Variants in STK31 observed in about 807,000 individuals in gnomAD.
STK31 encodes serine/threonine kinase 31.
STK31 carries 89 observed loss-of-function variants against 129.7 expected under a neutral mutation model. That is an observed-to-expected ratio of 0.69 (90% CI 0.58 to 0.82). The LOEUF (loss-of-function observed/expected upper bound fraction) is 0.82, where lower values mean the gene tolerates loss of function less well. Ranked by LOEUF, STK31 falls within the 40% of genes least tolerant of loss-of-function variation. The probability of loss-of-function intolerance (pLI) is 0.00; values close to 1 mark genes in which losing one functional copy is unlikely to be tolerated. For synonymous variants in STK31, 448 were observed against 395.3 expected, an observed-to-expected ratio of 1.13 and a Z score of -1.58; for missense variants, 1,187 against 1,176.4, an observed-to-expected ratio of 1.01 and a Z score of -0.13.
intron 20 of STK31, 143 bp from the exon 21 acceptor site, chr7:23,787,837 C>A (rs1033960106): frequency 2.9e-6 from 2 of 698,498 alleles, no homozygotes; most frequent in African/African-American, 3.7e-5. Flanking sequence ...TTCATCTGGT[C>A]TTTCTCTATG....
chr7:23,729,472 T>G lies in STK31; in HGVS notation c.483+223T>G, dbSNP rs186454614. Among the ~76,000 whole-genome samples the G allele has an allele frequency of 3.2e-3, 483 of 152,042 alleles. 3 individuals carry two copies. The highest frequency in any genetic ancestry group is 0.01 in the Middle Eastern group (3 of 292). On this transcript the variant is annotated intron_variant, in intron 6 of 23. Transcript: ENST00000355870. The stretch of plus-strand genomic sequence containing the variant: ...ACATATATAATATATGTAAATAGTT[T>G]CCTTCTGATGTAAATGTTTAAAAGG...
At chr7:23,729,511 GTT>G (rs72476098) in intron 6 of STK31, among the ~76,000 whole-genome samples, 8 of 121,726 alleles carry the variant, frequency 6.6e-5, no homozygotes, top group Non-Finnish European at 1.0e-4. Flanking sequence ...GTCTCTTTTT[GTT>G]TTTTTTTTTT....
In STK31 at chr7:23,789,667, C is replaced by T. The variant is rs80160359; in HGVS notation, c.2638-1157C>T. On this transcript the variant is annotated intron_variant, in intron 21 of 23. Coordinates refer to ENST00000355870, the MANE Select transcript of STK31 (RefSeq NM_031414.5). ...TATTTACTTTATTACATTAGTTTAACAAAATTAAGATATCCTAAGAAATAT... is the reference window on the plus strand; with the variant it reads ...TATTTACTTTATTACATTAGTTTAATAAAATTAAGATATCCTAAGAAATAT... Among the ~76,000 whole-genome samples, 1,047 of 152,150 alleles carry T rather than the reference C, an allele frequency of 6.9e-3. 74 individuals are homozygous for T. In the East Asian group the frequency reaches 0.18, roughly 26 times the overall value.
intron 23 of STK31, among the ~76,000 whole-genome samples, chr7:23,824,992 C>T (rs1175125510): frequency 3.9e-5 from 6 of 152,146 alleles, no homozygotes; most frequent in South Asian, 4.2e-4. Flanking sequence ...TTGCTGGATT[C>T]GGTTTGCCAG....
intron 23 of STK31, among the ~76,000 whole-genome samples, chr7:23,828,241 C>T (rs1415868270): frequency 6.6e-6 from 1 of 152,232 alleles, no homozygotes; most frequent in Non-Finnish European, 1.5e-5. Flanking sequence ...GTGGGCTCCA[C>T]CCAGTTTGAG....
chr7:23,827,424 T>C (rs997937953), intron 23 of STK31, among the ~76,000 whole-genome samples: 1 of 152,218 alleles, frequency 6.6e-6, no homozygotes, highest in Non-Finnish European at 1.5e-5. Context: ...CATGTATTTC[T>C]CGTGCCATGG....
At chr7:23,805,378 A>G (rs968006964) in intron 22 of STK31, among the ~76,000 whole-genome samples, 2 of 151,926 alleles carry the variant, frequency 1.3e-5, no homozygotes, top group Admixed American at 1.3e-4. Context: ...GCCCAGCCCC[A>G]TTTCTCCTTT....
At position 23,822,978 on chromosome 7, in the gene STK31, T is replaced by G. The variant is rs533469122; in HGVS notation, c.2829+7766T>G. On this transcript the variant is annotated intron_variant, in intron 23 of 23. Coordinates refer to ENST00000355870, the MANE Select transcript of STK31 (RefSeq NM_031414.5). ...TCCATGGTGTATATGTGCCACATTT[T>G]CTTAATCCAGCCTATCATTGTTGGA... Among the ~76,000 whole-genome samples the G allele has an allele frequency of 2.0e-5, 3 of 152,354 alleles. No individual in the cohort carries two copies. The South Asian group carries it at 6.2e-4, about 32-fold the overall frequency.
At chr7:23,794,511 G>A (rs1791832516) in intron 22 of STK31, among the ~76,000 whole-genome samples, 1 of 152,190 alleles carries the variant, frequency 6.6e-6, no homozygotes, top group Non-Finnish European at 1.5e-5. Flanking sequence ...AGAGTGGAAT[G>A]CTGCTGTAAA....
upstream of STK31, chr7:23,710,127 T>C (rs936710688): frequency 7.5e-6 from 10 of 1,331,882 alleles, no homozygotes; most frequent in Admixed American, 2.1e-4. Flanking sequence ...CGCACGCTTC[T>C]TCCTAGGCGG....
At position 23,712,256 on chromosome 7, in the gene STK31, C is replaced by T; in HGVS notation, c.120C>T (p.His40=). 2 of 1,614,040 alleles carry T rather than the reference C, an allele frequency of 1.2e-6. No homozygotes were observed. The highest frequency in any genetic ancestry group is 1.7e-6 in the Non-Finnish European group (2 of 1,179,976). ...TAGTGGAAGATGTGGTTGGAAGTCA[C>T]ATAGAAGATGCAGTAACATTTTGGG... ...YDKVEDVVGS[H]IEDAVTFWAQ... Residue 40 remains histidine, a synonymous_variant, in exon 3 of 24, where the codon CAC becomes CAT. Coordinates refer to ENST00000355870, the MANE Select transcript of STK31 (RefSeq NM_031414.5).
chr7:23,831,165 T>TA (rs1325873514), intron 23 of STK31, among the ~76,000 whole-genome samples: 1 of 152,204 alleles, frequency 6.6e-6, no homozygotes, highest in Admixed American at 6.5e-5. Flanking sequence ...AAGTGCAGTG[T>TA]AAAATCAGTT....
In STK31 at chr7:23,786,512, A is replaced by G. The variant is rs145387444; in HGVS notation, c.2279A>G (p.Tyr760Cys). 3.1e-6 allele frequency: 5 copies of G among 1,612,902 alleles called. No homozygotes were observed. The highest frequency in any genetic ancestry group is 4.5e-5 in the East Asian group (2 of 44,790). ...VNGQIILLKG[Y>C]SVDVDTEAKV... Reference sequence around the variant, plus strand: ...TGCCTCTTTCTTTGGTACAAGGGCTATTCTGTGGATGTTGACACAGAAGCC... The same window carrying G: ...TGCCTCTTTCTTTGGTACAAGGGCTGTTCTGTGGATGTTGACACAGAAGCC... Residue 760 changes from tyrosine (Y) to cysteine (C), a missense_variant, in exon 19 of 24, where the codon TAT becomes TGT. Physicochemically the swap from Tyr to Cys is radical, Grantham distance 194. Around this residue, in one of 5 missense-constraint regions of STK31, gnomAD observed 975 missense variants for 934.9 expected, o/e 1.04. Transcript: ENST00000355870.
chr7:23,710,913 T>C (rs1310450412), intron 1 of STK31: 1 of 585,270 alleles, frequency 1.7e-6, no homozygotes, highest in African/African-American at 2.0e-5. Flanking sequence ...CCCTAAAAGT[T>C]ATTACAGCTT....
intron 16 of STK31, among the ~76,000 whole-genome samples, chr7:23,782,574 A>G (rs937545708): frequency 6.6e-6 from 1 of 152,068 alleles, no homozygotes; most frequent in African/African-American, 2.4e-5. Context: ...TCATCTGCGT[A>G]TATGTAAATA....
At chr7:23,725,453 G>C (rs1024182627) in intron 4 of STK31, among the ~76,000 whole-genome samples, 1 of 151,806 alleles carries the variant, frequency 6.6e-6, no homozygotes, top group Non-Finnish European at 1.5e-5. Flanking sequence ...TGAAGCGGGA[G>C]GATTGTGTGA....
At chr7:23,744,869 G>C (rs930238494) in intron 8 of STK31, among the ~76,000 whole-genome samples, 1 of 152,032 alleles carries the variant, frequency 6.6e-6, no homozygotes, top group African/African-American at 2.4e-5. Flanking sequence ...TGGTTTCCAG[G>C]ACAGCACATG....
intron 3 of STK31, among the ~76,000 whole-genome samples, chr7:23,712,793 A>C (rs1786057272): frequency 6.6e-6 from 1 of 152,184 alleles, no homozygotes; most frequent in African/African-American, 2.4e-5. Context: ...CTCAGTTTTA[A>C]ATACAAAGCA....
chr7:23,759,624 A>G (rs116475129), intron 10 of STK31, among the ~76,000 whole-genome samples: 214 of 152,344 alleles, frequency 1.4e-3, no homozygotes, highest in African/African-American at 4.8e-3. Flanking sequence ...GATAAGGGGT[A>G]GCAAAATCTT....
Sources: gnomAD v4.1 joint callset for allele counts (sites outside exome capture counted in the v4.1 genomes callset) on GRCh38, gnomAD v4.1.1 for gene constraint, gnomAD v4.1.1 regional missense constraint, MANE v1.5 for transcripts, NCBI Gene and HGNC (gene_info 2026-07-23, HGNC 2026-07-21) for gene names.